Variants in CHST8 observed in about 807,000 individuals in gnomAD.
CHST8 encodes GALNAC-4-ST1.
CHST8 carries 10 observed loss-of-function variants against 15.0 expected under a neutral mutation model. The observed-to-expected ratio is 0.67, with a 90% CI of 0.41 to 1.13. The LOEUF is 1.13. Ranked by LOEUF, CHST8 falls within the 50% of genes most tolerant of loss-of-function variation. The probability of loss-of-function intolerance (pLI) is 0.00; values close to 1 mark genes in which losing one functional copy is unlikely to be tolerated. For synonymous variants in CHST8, 259 were observed against 256.6 expected, an observed-to-expected ratio of 1.01 and a Z score of -0.09; for missense variants, 634 against 608.2, an observed-to-expected ratio of 1.04 and a Z score of -0.45.
rs115647746 is a variant in CHST8, at chr19:33,725,809, C to T, written c.130+36418C>T. ...CATCTTCTATATTCTCTCATCTGGT[C>T]GTGGTGGGTGCTTTGGGAAGGATCA... On this transcript the variant is annotated intron_variant, in intron 3 of 4. Transcript: ENST00000650847. Among the ~76,000 whole-genome samples, 947 of 152,278 alleles carry T rather than the reference C, an allele frequency of 6.2e-3. 6 individuals carry two copies. Among genetic ancestry groups the T allele is most frequent in the Middle Eastern group, 0.024 (7 of 294 alleles).
intron 1 of CHST8, among the ~76,000 whole-genome samples, chr19:33,661,868 A>AG (rs1491130173): frequency 4.4e-5 from 3 of 68,088 alleles, no homozygotes; most frequent in Non-Finnish European, 5.5e-5. Flanking sequence ...TCATCTTTAC[A>AG]AAAAAAAAAA....
chr19:33,760,546 C>G (rs1265129599), intron 3 of CHST8, among the ~76,000 whole-genome samples: 3 of 151,690 alleles, frequency 2.0e-5, no homozygotes, highest in Non-Finnish European at 2.9e-5. Context: ...TCTTAAACTT[C>G]TGGCCTCAAG....
chr19:33,740,988 G>T (rs1468090524), intron 3 of CHST8, among the ~76,000 whole-genome samples: 2 of 152,186 alleles, frequency 1.3e-5, no homozygotes, highest in Non-Finnish European at 2.9e-5. Flanking sequence ...GGGTATCATT[G>T]GGAGCTGTCC....
rs1483162646 is a variant in CHST8 at position 33,672,521 on chromosome 19, C to T, written c.-87+4678C>T. On this transcript the variant is annotated intron_variant, in intron 2 of 4. Transcript: ENST00000650847. Reference sequence around the variant, plus strand: ...GCCCCCATCAAAAGTATTTTTTCATCTTTGTGTACCATCTCATGTCAGCGA... The same window carrying T: ...GCCCCCATCAAAAGTATTTTTTCATTTTTGTGTACCATCTCATGTCAGCGA... 2.6e-5 allele frequency among the ~76,000 whole-genome samples: 4 copies of T among 152,084 alleles called. No homozygotes were observed. The East Asian group carries it at 5.8e-4, about 22-fold the overall frequency.
intron 1 of CHST8, among the ~76,000 whole-genome samples, chr19:33,640,251 C>G (rs1191785368): frequency 1.3e-5 from 2 of 152,208 alleles, no homozygotes; most frequent in Non-Finnish European, 2.9e-5. Context: ...CTCCTTGCCA[C>G]AAGGAACTGG....
rs557361502 is a variant in CHST8, at chr19:33,714,995, C to A, written c.130+25604C>A. ...GAGATCCAGCCAGCCCCTCCCTCCA[C>A]AGGCTCTGTCCCAGCACCATGGTGA... On this transcript the variant is annotated intron_variant, in intron 3 of 4. Transcript: ENST00000650847. Among the ~76,000 whole-genome samples the A allele has an allele frequency of 1.1e-3, 168 of 152,332 alleles. 1 individual carries two copies. The highest frequency in any genetic ancestry group is 3.9e-3 in the African/African-American group (163 of 41,580).
Position 33,772,250 on chromosome 19 carries a change from G to A in CHST8, c.462G>A (p.Gln154=). ...GRWVSLHRSQ[Q]ERKRVMQEAC... ...GGGTCAGCCTGCACCGGAGCCAGCA[G>A]GAGCGCAAGCGGGTGATGCAGGAGG... is the stretch of plus-strand genomic sequence containing the variant. Residue 154 remains glutamine (Q), a synonymous_variant, in exon 5 of 5, where the codon CAG becomes CAA. Coordinates refer to ENST00000650847, the MANE Select transcript of CHST8 (RefSeq NM_001127895.2). 1 of 1,599,790 alleles carries A rather than the reference G, an allele frequency of 6.3e-7. No individual in the cohort carries two copies. Among genetic ancestry groups the A allele is most frequent in the Non-Finnish European group, 8.5e-7 (1 of 1,178,026 alleles).
chr19:33,752,665 C>A (rs1378973792), intron 3 of CHST8, among the ~76,000 whole-genome samples: 1 of 152,110 alleles, frequency 6.6e-6, no homozygotes, highest in East Asian at 1.9e-4. Context: ...GGCTGGCATG[C>A]AAGTGTGTTT....
chr19:33,705,834 T>C (rs1363155607), intron 3 of CHST8, among the ~76,000 whole-genome samples: 1 of 152,112 alleles, frequency 6.6e-6, no homozygotes. Context: ...CACAGCGATG[T>C]CCCCAGTACT....
chr19:33,738,085 G>T (rs1336829383), intron 3 of CHST8, among the ~76,000 whole-genome samples: 1 of 152,138 alleles, frequency 6.6e-6, no homozygotes, highest in East Asian at 1.9e-4. Flanking sequence ...GATATGACAT[G>T]CTGCTAGAAC....
chr19:33,728,118 A>G (rs1973935881), intron 3 of CHST8, among the ~76,000 whole-genome samples: 1 of 152,268 alleles, frequency 6.6e-6, no homozygotes, highest in African/African-American at 2.4e-5. Flanking sequence ...GTATTTCCAG[A>G]GCACATGTTA....
intron 1 of CHST8, among the ~76,000 whole-genome samples, chr19:33,640,319 C>T (rs934050520): frequency 6.6e-6 from 1 of 152,208 alleles, no homozygotes; most frequent in Non-Finnish European, 1.5e-5. Flanking sequence ...CAGAACCTAG[C>T]GTGCAATTCT....
chr19:33,674,162 T>C (rs554032574), intron 2 of CHST8, among the ~76,000 whole-genome samples: 9 of 152,176 alleles, frequency 5.9e-5, no homozygotes, highest in Non-Finnish European at 1.3e-4. Context: ...GATGGAGGGA[T>C]GGAGGGATTC....
At position 33,757,397 on chromosome 19, in the gene CHST8, A is replaced by G. The variant is rs1294887276; in HGVS notation, c.131-14016A>G. 4.3e-3 allele frequency among the ~76,000 whole-genome samples: 21 copies of G among 4,932 alleles called. 1 individual carries two copies. Among genetic ancestry groups the G allele is most frequent in the East Asian group, 9.3e-3 (1 of 108 alleles). 3.2% of individuals were successfully genotyped at this position (4,932 alleles called of 152,430 possible). The stretch of plus-strand genomic sequence containing the variant: ...GCGGTCTCAAAAAAAGAAGAAAGAA[A>G]GAAAGAAAGAAAGAAAGAAAGAAAG... On this transcript the variant is annotated intron_variant, in intron 3 of 4. Coordinates refer to ENST00000650847, the MANE Select transcript of CHST8 (RefSeq NM_001127895.2).
intron 1 of CHST8, among the ~76,000 whole-genome samples, chr19:33,651,404 T>C (rs1252071737): frequency 1.3e-5 from 2 of 152,194 alleles, no homozygotes; most frequent in African/African-American, 4.8e-5. Flanking sequence ...CTAGTGTTTA[T>C]AAATAATTAA....
chr19:33,688,801 C>T (rs75280319), intron 2 of CHST8, among the ~76,000 whole-genome samples: 4,315 of 152,270 alleles, frequency 0.028, 189 homozygotes, highest in African/African-American at 0.096. Flanking sequence ...CCGCCAGTAC[C>T]TAGGCCCCCG....
Position 33,773,083 on chromosome 19 carries a change from G to T in CHST8, c.*20G>T, listed in dbSNP as rs1255448223. On this transcript the variant is annotated 3_prime_UTR_variant, in exon 5 of 5. Coordinates refer to ENST00000650847, the MANE Select transcript of CHST8 (RefSeq NM_001127895.2). Reference sequence around the variant, plus strand: ...TACTGAGGGGCGCCGCAGCTGGCCGGGGCCGCCCTGCCCCGGTCACTCACC... The same window carrying T: ...TACTGAGGGGCGCCGCAGCTGGCCGTGGCCGCCCTGCCCCGGTCACTCACC... The T allele has an allele frequency of 1.9e-6, 3 of 1,569,312 alleles. No individual in the cohort carries two copies. Among genetic ancestry groups the T allele is most frequent in the Non-Finnish European group, 2.6e-6 (3 of 1,161,412 alleles).
At chr19:33,685,058 C>T (rs1021980040) in intron 2 of CHST8, 2 of 152,202 alleles carry the variant, frequency 1.3e-5, no homozygotes, top group African/African-American at 4.8e-5. Flanking sequence ...TGCCTGGAGC[C>T]AGGCACAGGG....
chr19:33,674,393 A>G (rs1972783196), intron 2 of CHST8, among the ~76,000 whole-genome samples: 1 of 152,194 alleles, frequency 6.6e-6, no homozygotes, highest in South Asian at 2.1e-4. Context: ...CAGACTGCTC[A>G]GCTAATGAGG....
Sources: allele counts gnomAD v4.1 joint callset (sites outside exome capture counted in the v4.1 genomes callset), GRCh38; gene constraint gnomAD v4.1.1; transcripts MANE v1.5; gene names NCBI Gene and HGNC (gene_info 2026-07-23, HGNC 2026-07-21).